STIM2: variants seen among roughly 807,000 people sequenced by gnomAD.
STIM2 encodes stromal interaction molecule 2.
A neutral mutation model predicts 85.8 loss-of-function variants in STIM2; 31 were observed. The ratio of observed to expected loss-of-function variants is 0.36; its 90% CI spans 0.27 to 0.49. STIM2 has a LOEUF of 0.49. Ranked by LOEUF, STIM2 falls within the 20% of genes least tolerant of loss-of-function variation. The pLI, the probability that STIM2 is intolerant of heterozygous loss-of-function variation, is 0.98. For missense variants in STIM2, 841 were observed against 927.6 expected (o/e 0.91, Z 1.21); for synonymous variants, 356 against 331.1 (o/e 1.08, Z -0.82).
chr4:26,878,772 C>T (rs192007596), intron 1 of STIM2, among the ~76,000 whole-genome samples: 103 of 152,216 alleles, frequency 6.8e-4, no homozygotes, highest in African/African-American at 2.4e-3. Context: ...AGGAAACTTA[C>T]AATCATGGCA....
In STIM2 at chr4:26,973,076, C is replaced by T. The variant is rs183516721; in HGVS notation, c.397+15350C>T. On this transcript the variant is annotated intron_variant, in intron 3 of 11. Transcript: ENST00000467087. ...ATGGTAGTTTGCGTTTCTGTGGGAT[C>T]GGTAGTGATATCCCCTTTATCATTT... Among the ~76,000 whole-genome samples the T allele has an allele frequency of 2.4e-3, 363 of 152,246 alleles. 2 individuals carry two copies. The highest frequency in any genetic ancestry group is 7.9e-3 in the African/African-American group (329 of 41,540).
chr4:26,893,248 G>C (rs1490135286), intron 1 of STIM2, among the ~76,000 whole-genome samples: 1 of 152,070 alleles, frequency 6.6e-6, no homozygotes, highest in Non-Finnish European at 1.5e-5. Context: ...ACCCCTAGAA[G>C]TTCCCCCTCC....
chr4:27,018,037 G>T (rs1728795075), intron 11 of STIM2, 53 bp downstream of exon 11: 1 of 1,594,498 alleles, frequency 6.3e-7, no homozygotes, highest in South Asian at 1.1e-5. Flanking sequence ...TGGGGGTAAG[G>T]TGTGAGGAGG....
intron 3 of STIM2, among the ~76,000 whole-genome samples, chr4:26,961,139 G>A (rs1160788938): frequency 6.6e-6 from 1 of 152,128 alleles, no homozygotes; most frequent in Non-Finnish European, 1.5e-5. Flanking sequence ...AGGATGGATG[G>A]GGGGTTCTAG....
chr4:26,906,255 A>G (rs1003210135), intron 1 of STIM2, among the ~76,000 whole-genome samples: 1 of 152,058 alleles, frequency 6.6e-6, no homozygotes, highest in Non-Finnish European at 1.5e-5. Context: ...GAAGGGAACA[A>G]CAGACACTGG....
chr4:26,867,843 G>T (rs1013654721), intron 1 of STIM2, among the ~76,000 whole-genome samples: 4 of 151,976 alleles, frequency 2.6e-5, no homozygotes, highest in African/African-American at 9.7e-5. Context: ...TGATTTTAAG[G>T]GTGGTTCCCT....
intron 2 of STIM2, among the ~76,000 whole-genome samples, chr4:26,927,756 T>TA (rs200087744): frequency 1.3e-4 from 15 of 116,410 alleles, no homozygotes; most frequent in Admixed American, 5.8e-4. Flanking sequence ...GCTAAACCCT[T>TA]AAAAAAAAAA....
chr4:26,947,101 T>G (rs1003072633), intron 2 of STIM2, among the ~76,000 whole-genome samples: 5 of 141,894 alleles, frequency 3.5e-5, no homozygotes, highest in African/African-American at 1.3e-4. Flanking sequence ...CTGCGTTAGC[T>G]TTTCTTTCAT....
chr4:27,017,118 C>T (rs1336253294), intron 10 of STIM2, among the ~76,000 whole-genome samples: 3 of 152,180 alleles, frequency 2.0e-5, no homozygotes, highest in Non-Finnish European at 4.4e-5. Flanking sequence ...TTTGTTTACC[C>T]ACCTGCATGA....
At chr4:26,862,240 G>T (rs1041842790) in intron 1 of STIM2, among the ~76,000 whole-genome samples, 7 of 151,646 alleles carry the variant, frequency 4.6e-5, no homozygotes, top group Admixed American at 2.0e-4. Flanking sequence ...CAACTGATCA[G>T]TTGTGGTTTA....
chr4:26,931,811 G>A (rs1725215799), intron 2 of STIM2, among the ~76,000 whole-genome samples: 2 of 152,072 alleles, frequency 1.3e-5, no homozygotes, highest in South Asian at 2.1e-4. Context: ...TTAATATAAC[G>A]ATACCATAAA....
chr4:26,949,794 C>T (rs536012581), intron 2 of STIM2, among the ~76,000 whole-genome samples: 1 of 152,212 alleles, frequency 6.6e-6, no homozygotes, highest in South Asian at 2.1e-4. Context: ...CCTGATGGCC[C>T]ATCCCATCCC....
At chr4:27,019,564 G>T (rs1728848333) in intron 11 of STIM2, 1 of 1,081,070 alleles carries the variant, frequency 9.3e-7, no homozygotes, top group African/African-American at 1.6e-5. Context: ...TTCATAGCTA[G>T]CTCTCATAAA....
At chr4:26,866,191 A>C (rs1164793783) in intron 1 of STIM2, among the ~76,000 whole-genome samples, 1 of 152,068 alleles carries the variant, frequency 6.6e-6, no homozygotes, top group Non-Finnish European at 1.5e-5. Flanking sequence ...TACCTCCCCC[A>C]CAAGTAGTCC....
chr4:26,905,877 G>A (rs1724104303), intron 1 of STIM2, among the ~76,000 whole-genome samples: 1 of 152,026 alleles, frequency 6.6e-6, no homozygotes, highest in Non-Finnish European at 1.5e-5. Flanking sequence ...AGATAAAAGG[G>A]ATTACTGTAT....
At chr4:26,876,800 T>C (rs1390547521) in intron 1 of STIM2, among the ~76,000 whole-genome samples, 1 of 152,152 alleles carries the variant, frequency 6.6e-6, no homozygotes, top group Non-Finnish European at 1.5e-5. Flanking sequence ...TCTCTTACTG[T>C]CTTTTTTTCT....
intron 1 of STIM2, among the ~76,000 whole-genome samples, chr4:26,892,775 A>G (rs1723544987): frequency 6.6e-6 from 1 of 152,160 alleles, no homozygotes; most frequent in Non-Finnish European, 1.5e-5. Flanking sequence ...ACCCTGAGGT[A>G]AGAGTGAAAG....
intron 3 of STIM2, among the ~76,000 whole-genome samples, chr4:26,966,509 T>G (rs774256003): frequency 6.6e-6 from 1 of 152,192 alleles, no homozygotes; most frequent in Non-Finnish European, 1.5e-5. Context: ...ACAAGTCTTA[T>G]GCTTACTTAA....
chr4:26,874,803 T>C (rs1279713632), intron 1 of STIM2, among the ~76,000 whole-genome samples: 1 of 152,192 alleles, frequency 6.6e-6, no homozygotes, highest in Non-Finnish European at 1.5e-5. Context: ...AACAAATGTT[T>C]GAATGTCTGC....
Sources: gnomAD v4.1 joint callset for allele counts (sites outside exome capture counted in the v4.1 genomes callset) on GRCh38, gnomAD v4.1.1 for gene constraint, MANE v1.5 for transcripts, NCBI Gene and HGNC (gene_info 2026-07-23, HGNC 2026-07-21) for gene names.